RBM39: variants seen among roughly 807,000 people sequenced by gnomAD.
RBM39 encodes the protein RNA-binding protein 39.
In RBM39, 12 loss-of-function variants were observed where a neutral mutation model predicts 79.6. The observed-to-expected ratio is 0.15, with a 90% confidence interval of 0.10 to 0.24. The LOEUF (loss-of-function observed/expected upper bound fraction) is 0.24. Among genes scored for constraint, RBM39 ranks in the 10% least tolerant of loss-of-function variants. The pLI is 1.00. For synonymous variants in RBM39, 185 were observed against 208.4 expected, an observed-to-expected ratio of 0.89 and a Z score of 0.97; for missense variants, 243 against 653.4, an observed-to-expected ratio of 0.37 and a Z score of 6.85.
chr20:35,715,541 T>C (rs142372062), intron 10 of RBM39, among the ~76,000 whole-genome samples: 172 of 152,286 alleles, frequency 1.1e-3, no homozygotes, highest in Non-Finnish European at 1.9e-3. Flanking sequence ...AAAAAGGATC[T>C]TTAGTAAAAA....
In RBM39 at chr20:35,709,204, A is replaced by G. The variant is rs761492437; in HGVS notation, c.1225+20T>C. On this transcript the variant is annotated intron_variant, in intron 13 of 16. Transcript: ENST00000253363. Reference sequence around the variant, plus strand: ...TCTATTTCAAAGACAAAAATAAAAAATATGAACACTTCAACTCACCTTCAG... The same window carrying G: ...TCTATTTCAAAGACAAAAATAAAAAGTATGAACACTTCAACTCACCTTCAG... 1.3e-6 allele frequency: 2 copies of G among 1,578,832 alleles called. No homozygotes were observed. The highest frequency in any genetic ancestry group is 2.2e-5 in the East Asian group (1 of 44,720).
chr20:35,728,841 G>A (rs1261118811), intron 6 of RBM39, among the ~76,000 whole-genome samples: 1 of 151,862 alleles, frequency 6.6e-6, no homozygotes, highest in Non-Finnish European at 1.5e-5. Context: ...ACTTTGAGAG[G>A]CCAAGGTGGG....
At chr20:35,735,450 T>C (rs2039805942) in intron 3 of RBM39, among the ~76,000 whole-genome samples, 1 of 152,208 alleles carries the variant, frequency 6.6e-6, no homozygotes, top group South Asian at 2.1e-4. Flanking sequence ...ATTAAAAAAA[T>C]TTATACTCAG....
intron 2 of RBM39, chr20:35,739,468 C>G (rs559929099): frequency 2.1e-6 from 1 of 471,250 alleles, no homozygotes; most frequent in Non-Finnish European, 4.4e-6. Flanking sequence ...TGACCGATGC[C>G]ATTCCTGAGA....
intron 4 of RBM39, among the ~76,000 whole-genome samples, chr20:35,729,818 C>CAT (rs1228288430): frequency 2.1e-4 from 31 of 144,468 alleles, no homozygotes; most frequent in Middle Eastern, 3.5e-3. Context: ...TTGTAAGCTA[C>CAT]ATATATATAT....
intron 10 of RBM39, among the ~76,000 whole-genome samples, chr20:35,714,643 G>A (rs1239728425): frequency 6.6e-6 from 1 of 152,124 alleles, no homozygotes; most frequent in African/African-American, 2.4e-5. Flanking sequence ...AGAACATGGG[G>A]ATTGTGGTTA....
At chr20:35,717,727 G>A (rs1274044323) in intron 9 of RBM39, among the ~76,000 whole-genome samples, 1 of 152,172 alleles carries the variant, frequency 6.6e-6, no homozygotes, top group Non-Finnish European at 1.5e-5. Context: ...GGTTGGCTCA[G>A]GTCTGTAATC....
intron 3 of RBM39, among the ~76,000 whole-genome samples, chr20:35,738,397 A>G (rs112525829): frequency 3.3e-5 from 5 of 152,356 alleles, no homozygotes; most frequent in African/African-American, 9.6e-5. Context: ...AAGTGTACAG[A>G]TATATTCATA....
intron 4 of RBM39, chr20:35,731,686 A>G (rs2039383109): frequency 2.0e-6 from 1 of 500,540 alleles, no homozygotes; most frequent in Admixed American, 3.6e-5. Flanking sequence ...GTTTGCGTTG[A>G]CTGGCATACA....
At position 35,734,821 on chromosome 20, in the gene RBM39, T is replaced by C. The variant is rs1184368575; in HGVS notation, c.102-2686A>G. The stretch of plus-strand genomic sequence containing the variant: ...TGCAAGAAACCAGTATATTTCCAGC[T>C]TCAAAGAGCATTTATTACATTAACT... On this transcript the variant is annotated intron_variant, in intron 3 of 16. Coordinates refer to ENST00000253363, the MANE Select transcript of RBM39 (RefSeq NM_184234.3). 4 of 1,395,234 alleles carry C rather than the reference T, an allele frequency of 2.9e-6. No individual in the cohort carries two copies. In the African/African-American group the frequency reaches 5.9e-5, roughly 21 times the overall value. 86.4% of individuals were successfully genotyped at this position (1,395,234 alleles called of 1,614,324 possible). A position where few individuals can be genotyped will look rare whatever the true frequency, so the allele number is the denominator to read the frequency against.
chr20:35,738,407 A>C (rs996047429), intron 3 of RBM39, among the ~76,000 whole-genome samples: 2 of 152,216 alleles, frequency 1.3e-5, no homozygotes, highest in African/African-American at 4.8e-5. Flanking sequence ...ATATATTCAT[A>C]ATTTCCAAAA....
chr20:35,726,765 T>C (rs970995038), intron 6 of RBM39, among the ~76,000 whole-genome samples: 5 of 152,194 alleles, frequency 3.3e-5, no homozygotes, highest in African/African-American at 7.2e-5. Context: ...TTTCCATTTT[T>C]TGGACACTCT....
rs560493714 is a variant in RBM39, at chr20:35,741,975, T to G, written c.-48A>C. 8.3e-6 allele frequency: 2 copies of G among 241,130 alleles called. No homozygotes were observed. Among genetic ancestry groups the G allele is most frequent in the Non-Finnish European group, 1.6e-5 (2 of 121,768 alleles). 14.9% of individuals were successfully genotyped at this position (241,130 alleles called of 1,614,324 possible). A position where few individuals can be genotyped will look rare whatever the true frequency, so the allele number is the denominator to read the frequency against. ...CCTTCGGGCGCCTGTGGTGCTCGTGTTCGGGAAGAGATTGCTGCTGCTGCT... is the reference window on the plus strand; with the variant it reads ...CCTTCGGGCGCCTGTGGTGCTCGTGGTCGGGAAGAGATTGCTGCTGCTGCT... On this transcript the variant is annotated 5_prime_UTR_variant, in exon 1 of 17. Transcript: ENST00000253363.
At chr20:35,704,813 T>C (rs1268222819) in intron 15 of RBM39, 67 bp from the exon 16 acceptor site, 4 of 1,427,288 alleles carry the variant, frequency 2.8e-6, no homozygotes, top group Non-Finnish European at 3.9e-6. Context: ...GTTATGTTTA[T>C]TCAAGTTGCC....
intron 8 of RBM39, among the ~76,000 whole-genome samples, chr20:35,723,221 A>C (rs1764482377): frequency 6.8e-6 from 1 of 146,898 alleles, no homozygotes; most frequent in East Asian, 2.0e-4. Context: ...TCCATAACCA[A>C]GATCGCCTCA....
intron 4 of RBM39, chr20:35,731,576 A>G (rs533177271): frequency 5.4e-4 from 108 of 198,442 alleles, no homozygotes; most frequent in African/African-American, 2.4e-3. Context: ...GTAAATATGT[A>G]TTTAGCAAAT....
intron 11 of RBM39, 54 bp downstream of exon 11, chr20:35,714,131 C>T: frequency 1.3e-6 from 2 of 1,551,858 alleles, no homozygotes; most frequent in African/African-American, 2.7e-5. Flanking sequence ...GGCTACCTTT[C>T]TTTTCCACTA....
chr20:35,728,725 C>T (rs574403759), intron 6 of RBM39, among the ~76,000 whole-genome samples: 23 of 151,852 alleles, frequency 1.5e-4, no homozygotes, highest in Non-Finnish European at 3.1e-4. Context: ...TGCAGTGAGC[C>T]GAGATCCCAC....
intron 6 of RBM39, among the ~76,000 whole-genome samples, chr20:35,727,212 T>C (rs1712620677): frequency 6.6e-6 from 1 of 151,776 alleles, no homozygotes; most frequent in Admixed American, 6.6e-5. Flanking sequence ...TAGCAGGGCA[T>C]GGTGGCTGCA....
Sources: allele counts gnomAD v4.1 joint callset (sites outside exome capture counted in the v4.1 genomes callset), GRCh38; gene constraint gnomAD v4.1.1; transcripts MANE v1.5; gene names NCBI Gene and HGNC (gene_info 2026-07-23, HGNC 2026-07-21).